Variants in KNDC1 observed in about 807,000 individuals in gnomAD.
The protein encoded by KNDC1 is kinase non-catalytic C-lobe domain containing 1.
KNDC1 carries 106 observed loss-of-function variants against 172.8 expected under a neutral mutation model. That is an observed-to-expected ratio of 0.61 (90% confidence interval 0.52 to 0.72). KNDC1 has a LOEUF of 0.72. KNDC1 is among the 30% of genes least tolerant of loss of function. KNDC1 has a pLI of 0.00. For synonymous variants in KNDC1, 1,083 were observed against 1,062.2 expected, an observed-to-expected ratio of 1.02 and a Z score of -0.38; for missense variants, 2,325 against 2,394.5, an observed-to-expected ratio of 0.97 and a Z score of 0.61.
chr10:133,188,102 C>T (rs1411300662), intron 6 of KNDC1, among the ~76,000 whole-genome samples: 1 of 152,180 alleles, frequency 6.6e-6, no homozygotes, highest in Non-Finnish European at 1.5e-5. Flanking sequence ...AGGCCAAGCG[C>T]CATCCACACT....
Position 133,188,673 on chromosome 10 carries a change from A to AC in KNDC1, c.1441+20_1441+21insC. 7.7e-7 allele frequency: 1 copy of AC among 1,300,574 alleles called. No individual in the cohort carries two copies. The highest frequency in any genetic ancestry group is 3.4e-5 in the East Asian group (1 of 29,294). The allele number at this position is 1,300,574 out of a possible 1,614,324, so 80.6% of individuals were successfully genotyped here. The stretch of plus-strand genomic sequence containing the variant: ...ACCCAGGTGACGCACGCACCATCCC[A>AC]TCCCCCCCGCCGTCCCCACCCCCCA... On this transcript the variant is annotated intron_variant, in intron 7 of 29. Coordinates refer to ENST00000304613, the MANE Select transcript of KNDC1 (RefSeq NM_152643.8).
chr10:133,204,385 C>T (rs1156576156), intron 17 of KNDC1, among the ~76,000 whole-genome samples: 2 of 152,246 alleles, frequency 1.3e-5, no homozygotes, highest in Non-Finnish European at 2.9e-5. Context: ...GCCACGGCAG[C>T]CTGCAGCTCA....
intron 3 of KNDC1, among the ~76,000 whole-genome samples, chr10:133,170,977 C>G (rs982475805): frequency 2.6e-5 from 4 of 152,254 alleles, no homozygotes; most frequent in Admixed American, 6.5e-5. Context: ...GAAAAGCTGG[C>G]CGACGGTGTC....
chr10:133,181,244 C>A (rs1853708496), intron 3 of KNDC1, among the ~76,000 whole-genome samples: 1 of 152,268 alleles, frequency 6.6e-6, no homozygotes, highest in Non-Finnish European at 1.5e-5. Flanking sequence ...GCACCCACAG[C>A]AGCATCAGAG....
intron 17 of KNDC1, 93 bp from the exon 18 acceptor site, chr10:133,206,592 C>T: frequency 9.6e-7 from 1 of 1,040,448 alleles, no homozygotes; most frequent in East Asian, 2.4e-5. Flanking sequence ...ATCTCCAAGG[C>T]CAAGGAGGCC....
At position 133,179,391 on chromosome 10, in the gene KNDC1, C is replaced by G. The variant is rs535038884; in HGVS notation, c.361-3953C>G. The G allele has an allele frequency of 5.2e-5, 8 of 152,398 alleles. No individual in the cohort carries two copies. In the East Asian group the frequency reaches 1.5e-3, roughly 29 times the overall value. The allele number at this position is 152,398 out of a possible 1,614,324, so 9.4% of individuals were successfully genotyped here. A position where few individuals can be genotyped will look rare whatever the true frequency, so the allele number is the denominator to read the frequency against. On this transcript the variant is annotated intron_variant, in intron 3 of 29. Coordinates refer to ENST00000304613, the MANE Select transcript of KNDC1 (RefSeq NM_152643.8). ...GCTGAGTGCTGCAGCCGCAATTCTT[C>G]TTTGAACCAGTCACCTCAAGTCCAC...
intron 3 of KNDC1, among the ~76,000 whole-genome samples, chr10:133,176,770 G>C (rs1394570940): frequency 6.6e-6 from 1 of 152,184 alleles, no homozygotes; most frequent in Non-Finnish European, 1.5e-5. Flanking sequence ...CTGGAGACCG[G>C]GGCTGTGCTT....
intron 21 of KNDC1, 35 bp from the exon 22 acceptor site, chr10:133,211,387 A>T: frequency 1.9e-6 from 3 of 1,600,646 alleles, no homozygotes; most frequent in Non-Finnish European, 2.6e-6. Context: ...CGACTCCCAC[A>T]TCCTGGCAGC....
intron 3 of KNDC1, among the ~76,000 whole-genome samples, chr10:133,182,595 C>T (rs1254357431): frequency 2.6e-5 from 4 of 152,358 alleles, no homozygotes; most frequent in Middle Eastern, 3.4e-3. Context: ...GAAGTGCGGC[C>T]GTGTCCAGGG....
At chr10:133,168,228 C>T (rs1223551715) in intron 2 of KNDC1, 26 bp from the exon 3 acceptor site, 28 of 1,607,150 alleles carry the variant, frequency 1.7e-5, no homozygotes, top group Non-Finnish European at 2.4e-5. Context: ...CAGAAGCCTT[C>T]TCTCCTTCTC....
chr10:133,168,291 C>T lies in KNDC1; in HGVS notation c.339C>T (p.Asp113=), dbSNP rs144149557. ...GTGCCTTCGTTCCCCCCGAGTTCGA[C>T]GTGACCGGGAACACCTTTGAGGTAA... ...PEGAFVPPEF[D]VTGNTFEAHI... The change falls in exon 3 of 30, where the codon GAC becomes GAT. Residue 113 remains aspartate (D), a synonymous_variant. Transcript: ENST00000304613. 1.5e-4 allele frequency: 247 copies of T among 1,614,152 alleles called. 1 individual carries two copies. Among genetic ancestry groups the T allele is most frequent in the Middle Eastern group, 6.6e-4 (4 of 6,062 alleles).
Position 133,167,511 on chromosome 10 carries a change from T to C in KNDC1, c.233T>C (p.Leu78Pro). The change falls in exon 2 of 30, where the codon CTG (leucine) becomes CCG (proline). Residue 78 changes from leucine to proline, a missense_variant. Leu to Pro is a moderately conservative substitution (Grantham distance 98, BLOSUM62 -3). Transcript: ENST00000304613. ...SVAHAAIFQS[L>P]CITPDTLAFN... is the part of the protein sequence containing the mutation. The stretch of plus-strand genomic sequence containing the variant: ...GCCCACGCCGCCATCTTCCAGAGCC[T>C]GTGCATCACGCCCGACACCCTGGCC... 1.2e-6 allele frequency: 2 copies of C among 1,605,542 alleles called. No homozygotes were observed. Among genetic ancestry groups the C allele is most frequent in the South Asian group, 1.1e-5 (1 of 89,318 alleles).
At position 133,207,137 on chromosome 10, in the gene KNDC1, G is replaced by A; in HGVS notation, c.3580G>A (p.Val1194Ile). The A allele has an allele frequency of 5.7e-6, 9 of 1,584,604 alleles. No homozygotes were observed. Among genetic ancestry groups the A allele is most frequent in the Non-Finnish European group, 6.0e-6 (7 of 1,166,442 alleles). The change falls in exon 20 of 30, where the codon GTC becomes ATC. Residue 1194 changes from valine (V) to isoleucine (I), a missense_variant and splice_region_variant. Coordinates refer to ENST00000304613, the MANE Select transcript of KNDC1 (RefSeq NM_152643.8). Reference protein sequence around the residue: ...FLSLVKKYLQVMYAERWGLEP... With the variant: ...FLSLVKKYLQIMYAERWGLEP... Reference sequence around the variant, plus strand: ...AAGCGCCCGTGTCCCGCTCCGGCAGGTCATGTACGCGGAACGCTGGGGCCT... The same window carrying A: ...AAGCGCCCGTGTCCCGCTCCGGCAGATCATGTACGCGGAACGCTGGGGCCT...
In KNDC1 at chr10:133,195,848, G is replaced by C. The variant is rs1225931357; in HGVS notation, c.1734+27G>C. 3.3e-6 allele frequency: 5 copies of C among 1,510,848 alleles called. No homozygotes were observed. The African/African-American group carries it at 4.2e-5, about 13-fold the overall frequency. 93.6% of individuals were successfully genotyped at this position (1,510,848 alleles called of 1,614,324 possible). On this transcript the variant is annotated intron_variant, in intron 10 of 29. Transcript: ENST00000304613. ...TAACCACACCACAGTCATGGCCCCA[G>C]CCCAGGGTCCAAGGACTGTGGGCAG...
At position 133,197,777 on chromosome 10, in the gene KNDC1, C is replaced by G; in HGVS notation, c.1906+9C>G. On this transcript the variant is annotated intron_variant, in intron 12 of 29. Transcript: ENST00000304613. Reference sequence around the variant, plus strand: ...CCCAGAGCCCAGCCCAGGTGGGGACCTGACCAGCCCCTGCTGCCCCACCAG... The same window carrying G: ...CCCAGAGCCCAGCCCAGGTGGGGACGTGACCAGCCCCTGCTGCCCCACCAG... 1 of 1,601,150 alleles carries G rather than the reference C, an allele frequency of 6.2e-7. No individual in the cohort carries two copies. Among genetic ancestry groups the G allele is most frequent in the Non-Finnish European group, 8.5e-7 (1 of 1,171,678 alleles).
intron 9 of KNDC1, among the ~76,000 whole-genome samples, chr10:133,190,050 G>A (rs1245095109): frequency 2.0e-5 from 3 of 152,224 alleles, no homozygotes; most frequent in Admixed American, 6.5e-5. Flanking sequence ...CCTGGCTCAC[G>A]AGAACTAAGG....
chr10:133,189,717 G>A, intron 8 of KNDC1, 35 bp from the exon 9 acceptor site: 1 of 1,613,996 alleles, frequency 6.2e-7, no homozygotes, highest in South Asian at 1.1e-5. Context: ...CGGCTCGCCA[G>A]GGGTGAGGAA....
At chr10:133,196,368 G>A (rs1033420608) in intron 10 of KNDC1, among the ~76,000 whole-genome samples, 2 of 152,120 alleles carry the variant, frequency 1.3e-5, no homozygotes, top group Non-Finnish European at 2.9e-5. Flanking sequence ...ACCAGCAGGT[G>A]GGGCAGGAGC....
At chr10:133,202,950 C>T (rs887100011) in intron 17 of KNDC1, among the ~76,000 whole-genome samples, 2 of 152,178 alleles carry the variant, frequency 1.3e-5, no homozygotes, top group African/African-American at 4.8e-5. Flanking sequence ...AACGACCCGG[C>T]CCCCAAACGC....
Sources: gnomAD v4.1 joint callset for allele counts (sites outside exome capture counted in the v4.1 genomes callset) on GRCh38, gnomAD v4.1.1 for gene constraint, MANE v1.5 for transcripts, NCBI Gene and HGNC (gene_info 2026-07-23, HGNC 2026-07-21) for gene names.